Variants in LRRC69 observed in about 807,000 individuals in gnomAD.
The protein encoded by LRRC69 is leucine rich repeat containing 69.
A neutral mutation model predicts 37.8 loss-of-function variants in LRRC69; 42 were observed. The ratio of observed to expected loss-of-function variants is 1.11; its 90% CI spans 0.87 to 1.44. The LOEUF (loss-of-function observed/expected upper bound fraction) is 1.44. Ranked by LOEUF, LRRC69 falls within the 40% of genes most tolerant of loss-of-function variation. LRRC69 has a pLI of 0.00. For missense variants in LRRC69, 357 were observed against 401.9 expected (o/e 0.89, Z 0.96); for synonymous variants, 141 against 143.1 (o/e 0.99, Z 0.11).
At chr8:91,199,808 T>C (rs1809682751) in intron 6 of LRRC69, among the ~76,000 whole-genome samples, 1 of 152,192 alleles carries the variant, frequency 6.6e-6, no homozygotes, top group African/African-American at 2.4e-5. Context: ...CTTTGCTTGG[T>C]CAGTGAAGAT....
intron 5 of LRRC69, among the ~76,000 whole-genome samples, chr8:91,149,852 C>T (rs1011004381): frequency 3.3e-5 from 5 of 151,660 alleles, no homozygotes; most frequent in Non-Finnish European, 7.4e-5. Flanking sequence ...AAGCAGTTGT[C>T]AATGGGAGTT....
At chr8:91,158,476 C>A (rs1258310324) in intron 5 of LRRC69, 1 of 1,185,104 alleles carries the variant, frequency 8.4e-7, no homozygotes, top group Admixed American at 1.7e-5. Context: ...TGTTTGGAAA[C>A]CCACAAGGCC....
chr8:91,119,917 A>G (rs978597449), intron 1 of LRRC69, among the ~76,000 whole-genome samples: 1 of 151,826 alleles, frequency 6.6e-6, no homozygotes, highest in Non-Finnish European at 1.5e-5. Flanking sequence ...TACCTGTCTC[A>G]TCTTCTAAAG....
chr8:91,219,096 T>C, downstream of LRRC69: 1 of 504,592 alleles, frequency 2.0e-6, no homozygotes, highest in Non-Finnish European at 3.5e-6. Flanking sequence ...GCCTGTTCTC[T>C]TTGTCAACAC....
chr8:91,167,383 A>C (rs1444304330), intron 5 of LRRC69, among the ~76,000 whole-genome samples: 1 of 151,692 alleles, frequency 6.6e-6, no homozygotes, highest in Admixed American at 6.6e-5. Flanking sequence ...TCACGAGAAC[A>C]GCCCGGGAAA....
chr8:91,177,355 C>T (rs1390805648), intron 5 of LRRC69, among the ~76,000 whole-genome samples: 1 of 152,074 alleles, frequency 6.6e-6, no homozygotes, highest in African/African-American at 2.4e-5. Flanking sequence ...AATTACTGTA[C>T]TTTTTCATCT....
intron 5 of LRRC69, among the ~76,000 whole-genome samples, chr8:91,166,024 G>A (rs1260142827): frequency 6.6e-6 from 1 of 151,818 alleles, no homozygotes; most frequent in Non-Finnish European, 1.5e-5. Context: ...GCATTGTGTA[G>A]TAGAAAACAC....
intron 5 of LRRC69, among the ~76,000 whole-genome samples, chr8:91,138,551 A>ATTTTTT (rs34842999): frequency 6.9e-5 from 10 of 145,924 alleles, no homozygotes; most frequent in African/African-American, 2.5e-4. Context: ...TCAGAGCAGT[A>ATTTTTT]TTTTTTTTTT....
intron 5 of LRRC69, among the ~76,000 whole-genome samples, chr8:91,135,982 A>T (rs1334831417): frequency 1.3e-5 from 2 of 151,988 alleles, no homozygotes. Flanking sequence ...ATTTTAATAT[A>T]TCAGCTATGA....
At chr8:91,133,766 C>G (rs960321057) in intron 4 of LRRC69, among the ~76,000 whole-genome samples, 2 of 151,900 alleles carry the variant, frequency 1.3e-5, no homozygotes, top group Non-Finnish European at 2.9e-5. Context: ...TCCTGAGTAG[C>G]TGGGATTACA....
At chr8:91,196,798 C>T (rs929621805) in intron 6 of LRRC69, among the ~76,000 whole-genome samples, 102 of 152,046 alleles carry the variant, frequency 6.7e-4, no homozygotes, top group African/African-American at 2.3e-3. Flanking sequence ...GAATGTCCTC[C>T]CGTAGCTCAG....
chr8:91,157,518 T>C (rs1586253827), intron 5 of LRRC69: 1 of 1,546,124 alleles, frequency 6.5e-7, no homozygotes, highest in Non-Finnish European at 8.9e-7. Flanking sequence ...AGGAGTTCTA[T>C]TTGTTTCCTA....
chr8:91,181,774 A>G (rs767864859), intron 5 of LRRC69, among the ~76,000 whole-genome samples: 8 of 152,184 alleles, frequency 5.3e-5, no homozygotes, highest in Non-Finnish European at 1.0e-4. Context: ...GGAATTAGGC[A>G]TATGATTTAA....
At chr8:91,158,298 A>G (rs1563608864) in intron 5 of LRRC69, 2 of 1,501,878 alleles carry the variant, frequency 1.3e-6, no homozygotes, top group Non-Finnish European at 1.9e-6. Flanking sequence ...AAAGTATTCA[A>G]TCCCAGAAAG....
rs199499775 is a variant in LRRC69, at chr8:91,200,752, C to T, written c.893C>T (p.Thr298Ile). 1.2e-5 allele frequency: 18 copies of T among 1,531,654 alleles called. No homozygotes were observed. In the African/African-American group the frequency reaches 2.2e-4, roughly 19 times the overall value. 94.9% of individuals were successfully genotyped at this position (1,531,654 alleles called of 1,614,324 possible). ...GCAATATGTGGACAGTACTTTATAA[C>T]CGTATGGCTGGAATGTGTTCGATTT... Residue 298 changes from threonine (T) to isoleucine (I), a missense_variant, in exon 7 of 8, where the codon ACC becomes ATC. Coordinates refer to ENST00000448384, the Ensembl canonical transcript of LRRC69.
intron 5 of LRRC69, among the ~76,000 whole-genome samples, chr8:91,176,160 CA>C (rs1195980269): frequency 6.7e-5 from 3 of 44,496 alleles, no homozygotes; most frequent in Non-Finnish European, 1.5e-4. Context: ...TTTTTTGAGA[CA>C]GTCTCACTCT....
At chr8:91,123,090 T>C (rs891194769) in intron 1 of LRRC69, among the ~76,000 whole-genome samples, 2 of 152,088 alleles carry the variant, frequency 1.3e-5, no homozygotes, top group African/African-American at 2.4e-5. Context: ...AGCCAAGGAA[T>C]GGAGGCTGAC....
chr8:91,211,622 T>A (rs1368253071), intron 7 of LRRC69, among the ~76,000 whole-genome samples: 3,230 of 145,806 alleles, frequency 0.022, 119 homozygotes, highest in African/African-American at 0.075. Context: ...ATATATTTTT[T>A]TTTTATTTTT....
chr8:91,133,469 A>G (rs755657589), intron 4 of LRRC69, 164 bp downstream of exon 4: 9 of 497,724 alleles, frequency 1.8e-5, no homozygotes, highest in Non-Finnish European at 2.4e-5. Flanking sequence ...AGAAGGCTAT[A>G]ATTTGAATTA....
Sources: gnomAD v4.1 joint callset for allele counts (sites outside exome capture counted in the v4.1 genomes callset) on GRCh38, gnomAD v4.1.1 for gene constraint, MANE v1.5 for transcripts, NCBI Gene and HGNC (gene_info 2026-07-23, HGNC 2026-07-21) for gene names.